Variants in PPM1H observed in about 807,000 individuals in gnomAD.
The protein encoded by PPM1H is protein phosphatase, Mg2+/Mn2+ dependent 1H.
A neutral mutation model predicts 54.9 loss-of-function variants in PPM1H; 27 were observed. The observed-to-expected ratio is 0.49, with a 90% CI of 0.36 to 0.68. PPM1H has a LOEUF of 0.68. Among genes scored for constraint, PPM1H ranks in the 30% least tolerant of loss-of-function variants. The pLI is 0.00. For missense variants in PPM1H, 596 were observed against 667.8 expected (o/e 0.89, Z 1.19); for synonymous variants, 305 against 270.8 (o/e 1.13, Z -1.24).
At chr12:62,743,076 C>T (rs11174630) in intron 4 of PPM1H, among the ~76,000 whole-genome samples, 68,851 of 151,928 alleles carry the variant, frequency 0.45, 15,841 homozygotes, top group East Asian at 0.53. Flanking sequence ...TCAGGCCGGG[C>T]GCAGTGGCTC....
chr12:62,696,453 G>C (rs2076115299), intron 6 of PPM1H, among the ~76,000 whole-genome samples: 1 of 152,130 alleles, frequency 6.6e-6, no homozygotes, highest in South Asian at 2.1e-4. Context: ...TAACGACAAG[G>C]GGGAATAGCA....
intron 4 of PPM1H, among the ~76,000 whole-genome samples, chr12:62,768,361 G>A (rs2076556905): frequency 6.6e-6 from 1 of 152,114 alleles, no homozygotes; most frequent in African/African-American, 2.4e-5. Context: ...GACAATCCGG[G>A]ATGTGAAGAG....
At chr12:62,843,539 A>T (rs1376249469) in intron 1 of PPM1H, among the ~76,000 whole-genome samples, 1 of 152,224 alleles carries the variant, frequency 6.6e-6, no homozygotes, top group Non-Finnish European at 1.5e-5. Context: ...GTGCTCACAC[A>T]TATGATAATC....
At chr12:62,831,697 T>TCGTGTG (rs1462227862) in intron 2 of PPM1H, among the ~76,000 whole-genome samples, 8 of 149,580 alleles carry the variant, frequency 5.3e-5, no homozygotes, top group African/African-American at 2.0e-4. Context: ...CCGTCAAACA[T>TCGTGTG]TGTGTGTGTA....
chr12:62,864,761 T>A (rs1345149951), intron 1 of PPM1H, among the ~76,000 whole-genome samples: 1 of 152,102 alleles, frequency 6.6e-6, no homozygotes, highest in Non-Finnish European at 1.5e-5. Flanking sequence ...ACAGGTACAA[T>A]ATGAGTAAAA....
At position 62,724,285 on chromosome 12, in the gene PPM1H, G is replaced by T. The variant is rs1202050044; in HGVS notation, c.955-3996C>A. ...TTGTTAATCTGTCTTTTGTTATAGG[G>T]GCATCAGCCATGAATGGGTAAGAAA... On this transcript the variant is annotated intron_variant, in intron 5 of 9. Transcript: ENST00000228705. 2.0e-5 allele frequency among the ~76,000 whole-genome samples: 3 copies of T among 152,232 alleles called. No homozygotes were observed. In the East Asian group the frequency reaches 5.8e-4, roughly 29 times the overall value.
At chr12:62,691,306 T>A (rs2076081623) in intron 7 of PPM1H, among the ~76,000 whole-genome samples, 1 of 152,206 alleles carries the variant, frequency 6.6e-6, no homozygotes, top group Non-Finnish European at 1.5e-5. Flanking sequence ...GAATCCTCAC[T>A]CTATTACCTG....
At position 62,862,472 on chromosome 12, in the gene PPM1H, A is replaced by C. The variant is rs140865061; in HGVS notation, c.246-30193T>G. Among the ~76,000 whole-genome samples the C allele has an allele frequency of 3.1e-4, 47 of 152,378 alleles. No individual in the cohort carries two copies. The East Asian group carries it at 7.7e-3, about 25-fold the overall frequency. ...TCGAGTCTTCAAGGCTTTCAGATGC[A>C]TGAATGATATATGATCCTTAGGCCT... On this transcript the variant is annotated intron_variant, in intron 1 of 9. Transcript: ENST00000228705.
intron 7 of PPM1H, among the ~76,000 whole-genome samples, chr12:62,693,236 G>T (rs2076093137): frequency 6.6e-6 from 1 of 152,174 alleles, no homozygotes; most frequent in Admixed American, 6.5e-5. Flanking sequence ...TCTGCTCAGA[G>T]ACCACTTTAG....
intron 4 of PPM1H, among the ~76,000 whole-genome samples, chr12:62,763,138 C>T (rs2076519831): frequency 6.6e-6 from 1 of 152,152 alleles, no homozygotes; most frequent in African/African-American, 2.4e-5. Flanking sequence ...TGCTACCTCC[C>T]AGATCAAGCA....
chr12:62,716,595 TG>T (rs1339665283), intron 6 of PPM1H, among the ~76,000 whole-genome samples: 2 of 152,220 alleles, frequency 1.3e-5, no homozygotes, highest in Non-Finnish European at 2.9e-5. Context: ...GGCATAACCA[TG>T]GCTTGCTGCA....
chr12:62,808,522 T>C (rs2076818580), intron 2 of PPM1H, among the ~76,000 whole-genome samples: 1 of 152,182 alleles, frequency 6.6e-6, no homozygotes, highest in South Asian at 2.1e-4. Flanking sequence ...CAGCCTGCTC[T>C]GTGGGCTGGC....
intron 9 of PPM1H, chr12:62,658,764 G>A (rs2075862547): frequency 2.4e-6 from 1 of 408,966 alleles, no homozygotes; most frequent in Admixed American, 3.4e-5. Flanking sequence ...TACAATTCAG[G>A]GCAAACTGTG....
chr12:62,683,086 T>C (rs2076032028), intron 8 of PPM1H, among the ~76,000 whole-genome samples: 1 of 143,284 alleles, frequency 7.0e-6, no homozygotes, highest in Non-Finnish European at 1.5e-5. Context: ...TTATTATTAT[T>C]TTTGTAGAGA....
At position 62,934,426 on chromosome 12, in the gene PPM1H, G is replaced by A; in HGVS notation, c.245+66C>T. ...GAGGCCGAGAAGCAGGGAGAGAAGA[G>A]GGCTGGAACCGTGCGGGGAAGGGCC... On this transcript the variant is annotated intron_variant, in intron 1 of 9. Coordinates refer to ENST00000228705, the MANE Select transcript of PPM1H (RefSeq NM_020700.2). This position sits in a 1 kb window ranked among gnomAD's most constrained non-coding sequence, Gnocchi z 4.2. The A allele has an allele frequency of 6.9e-7, 1 of 1,458,082 alleles. No homozygotes were observed. Among genetic ancestry groups the A allele is most frequent in the South Asian group, 1.4e-5 (1 of 72,372 alleles). The allele number at this position is 1,458,082 out of a possible 1,614,324, so 90.3% of individuals were successfully genotyped here.
intron 5 of PPM1H, among the ~76,000 whole-genome samples, chr12:62,723,708 GT>G (rs1238191646): frequency 1.1e-3 from 163 of 152,222 alleles, no homozygotes; most frequent in Non-Finnish European, 1.5e-3. Flanking sequence ...TTGTAGTATT[GT>G]TATAGCAGCA....
intron 2 of PPM1H, among the ~76,000 whole-genome samples, chr12:62,813,372 G>A (rs111797910): frequency 6.6e-6 from 1 of 152,140 alleles, no homozygotes; most frequent in Non-Finnish European, 1.5e-5. Context: ...TAAGAGACAC[G>A]TTAGAAATGC....
At chr12:62,838,749 G>A (rs946390917) in intron 1 of PPM1H, among the ~76,000 whole-genome samples, 1 of 134,262 alleles carries the variant, frequency 7.4e-6, no homozygotes, top group African/African-American at 3.1e-5. Flanking sequence ...GTGAAACCCC[G>A]TCTCTACTAA....
chr12:62,712,812 T>A (rs935300250), intron 6 of PPM1H, among the ~76,000 whole-genome samples: 1 of 152,148 alleles, frequency 6.6e-6, no homozygotes, highest in Non-Finnish European at 1.5e-5. Flanking sequence ...GTGGAAAAGC[T>A]AATGAGGAGT....
Sources: gnomAD v4.1 joint callset for allele counts (sites outside exome capture counted in the v4.1 genomes callset) on GRCh38, gnomAD v4.1.1 for gene constraint, Gnocchi (gnomAD v3.1) non-coding constraint, MANE v1.5 for transcripts, NCBI Gene and HGNC (gene_info 2026-07-23, HGNC 2026-07-21) for gene names.